TGM7: variants seen among roughly 807,000 people sequenced by gnomAD.
The protein encoded by TGM7 is transglutaminase 7.
In TGM7, 74 loss-of-function variants were observed where a neutral mutation model predicts 79.5. The ratio of observed to expected loss-of-function variants is 0.93; its 90% confidence interval spans 0.77 to 1.13. TGM7 has a LOEUF of 1.13. Among genes scored for constraint, TGM7 ranks in the 50% most tolerant of loss-of-function variants. The pLI is 0.00. For missense variants in TGM7, 912 were observed against 905.9 expected (o/e 1.01, Z -0.09); for synonymous variants, 354 against 362.5 (o/e 0.98, Z 0.27).
chr15:43,302,038 A>G, intron 1 of TGM7: 1 of 632,256 alleles, frequency 1.6e-6, no homozygotes, highest in Non-Finnish European at 2.8e-6. Flanking sequence ...AGCTTCAGAA[A>G]AGAAAACGAA....
intron 1 of TGM7, among the ~76,000 whole-genome samples, chr15:43,297,044 A>T (rs1046747910): frequency 6.6e-6 from 1 of 152,174 alleles, no homozygotes; most frequent in African/African-American, 2.4e-5. Context: ...GGAGTTAATG[A>T]CATGAGTAAG....
At chr15:43,281,643 A>C (rs1468898243) in intron 9 of TGM7, among the ~76,000 whole-genome samples, 1 of 152,190 alleles carries the variant, frequency 6.6e-6, no homozygotes, top group East Asian at 1.9e-4. Flanking sequence ...CTGGAATTCA[A>C]ATTTAACTGG....
At chr15:43,283,722 A>C (rs2042920816) in intron 7 of TGM7, among the ~76,000 whole-genome samples, 1 of 152,236 alleles carries the variant, frequency 6.6e-6, no homozygotes, top group South Asian at 2.1e-4. Context: ...TTCCTGAATC[A>C]GAGACAATTC....
chr15:43,282,419 G>A, intron 8 of TGM7, 98 bp downstream of exon 8: 1 of 1,069,662 alleles, frequency 9.3e-7, no homozygotes, highest in South Asian at 1.4e-5. Context: ...AGGGTGCCGT[G>A]GAAAACGCTG....
At chr15:43,292,597 C>G (rs2042968861) in intron 3 of TGM7, 112 bp downstream of exon 3, 1 of 1,338,124 alleles carries the variant, frequency 7.5e-7, no homozygotes, top group African/African-American at 1.5e-5. Context: ...AGAGCACACG[C>G]TACTACATTG....
Position 43,279,970 on chromosome 15 carries a change from G to A in TGM7, c.1352-19C>T, listed in dbSNP as rs1431446151. ...GGGGATCCTGCAGAAGGGAGAGGTAGGAGAGACATGCATGGGGAGGGGTGG... is the reference window on the plus strand; with the variant it reads ...GGGGATCCTGCAGAAGGGAGAGGTAAGAGAGACATGCATGGGGAGGGGTGG... On this transcript the variant is annotated intron_variant, in intron 9 of 12. Coordinates refer to ENST00000452443, the MANE Select transcript of TGM7 (RefSeq NM_052955.3). 1.2e-6 allele frequency: 2 copies of A among 1,606,212 alleles called. No individual in the cohort carries two copies. Among genetic ancestry groups the A allele is most frequent in the Admixed American group, 1.7e-5 (1 of 59,378 alleles).
intron 1 of TGM7, among the ~76,000 whole-genome samples, chr15:43,299,200 G>C (rs1596466674): frequency 6.6e-6 from 1 of 152,148 alleles, no homozygotes; most frequent in East Asian, 1.9e-4. Context: ...GTGCTACTTT[G>C]ATTAAAGGCA....
Position 43,281,934 on chromosome 15 carries a change from T to C in TGM7, c.1261A>G (p.Asn421Asp), listed in dbSNP as rs753089425. Residue 421 changes from asparagine to aspartate, a missense_variant, in exon 9 of 13, where the codon AAC (asparagine) becomes GAC (aspartate). By Grantham distance (23) the Asn-to-Asp change is conservative (BLOSUM62 1). Coordinates refer to ENST00000452443, the MANE Select transcript of TGM7 (RefSeq NM_052955.3). ...DGQAQEILAH[N>D]TSSIGKEIST... is the part of the protein sequence containing the mutation. ...ATCTCCTTCCCGATGGAACTGGTGT[T>C]GTGGGCCAGGATTTCCTGGGCCTGG... is the stretch of plus-strand genomic sequence containing the variant. 1.2e-6 allele frequency: 2 copies of C among 1,614,204 alleles called. No homozygotes were observed. Among genetic ancestry groups the C allele is most frequent in the Non-Finnish European group, 1.7e-6 (2 of 1,180,030 alleles).
chr15:43,282,416 C>T (rs765806078), intron 8 of TGM7, 101 bp downstream of exon 8: 66 of 1,012,448 alleles, frequency 6.5e-5, no homozygotes, highest in Middle Eastern at 2.9e-4. Flanking sequence ...AAGAGGGTGC[C>T]GTGGAAAACG....
chr15:43,287,396 C>T lies in TGM7; in HGVS notation c.749G>A (p.Gly250Glu). ...GCCCTTCCACTCCAGAGGACTGACC[C>T]CTTTGGAGTAGTCCTCGCCCCAGTT... is the stretch of plus-strand genomic sequence containing the variant. ...QGNWGEDYSK[G>E]VSPLEWKGSV... The change falls in exon 6 of 13, where the codon GGG becomes GAG. Residue 250 changes from glycine (G) to glutamate (E), a missense_variant. Coordinates refer to ENST00000452443, the MANE Select transcript of TGM7 (RefSeq NM_052955.3). 6.2e-7 allele frequency: 1 copy of T among 1,614,100 alleles called. No individual in the cohort carries two copies. Among genetic ancestry groups the T allele is most frequent in the Non-Finnish European group, 8.5e-7 (1 of 1,179,988 alleles).
chr15:43,291,071 A>C (rs1402825866), intron 4 of TGM7, among the ~76,000 whole-genome samples: 1 of 152,126 alleles, frequency 6.6e-6, no homozygotes, highest in African/African-American at 2.4e-5. Context: ...CTCCTGCCTG[A>C]TTGCCCTGGC....
intron 4 of TGM7, among the ~76,000 whole-genome samples, chr15:43,289,465 G>A (rs369400994): frequency 1.3e-5 from 2 of 152,246 alleles, no homozygotes; most frequent in East Asian, 3.9e-4. Context: ...GTCTATCATT[G>A]TTGGACATGT....
chr15:43,289,352 T>C (rs924365406), intron 4 of TGM7, among the ~76,000 whole-genome samples: 9 of 152,162 alleles, frequency 5.9e-5, no homozygotes, highest in Non-Finnish European at 1.3e-4. Context: ...CTGAGAATGA[T>C]GGTTTCCAGC....
At chr15:43,281,231 A>T (rs518261) in intron 9 of TGM7, among the ~76,000 whole-genome samples, 69,603 of 151,672 alleles carry the variant, frequency 0.46, 19,653 homozygotes, top group African/African-American at 0.8. Context: ...GGGGTGGTAA[A>T]CTGTGTCCAG....
Position 43,292,116 on chromosome 15 carries a change from T to C in TGM7, c.440-19A>G, listed in dbSNP as rs200529204. The C allele has an allele frequency of 6.5e-4, 1,033 of 1,579,800 alleles. 2 individuals are homozygous for C. Among genetic ancestry groups the C allele is most frequent in the Non-Finnish European group, 7.4e-4 (847 of 1,150,336 alleles). On this transcript the variant is annotated intron_variant, in intron 3 of 12. Transcript: ENST00000452443. ...TCGTCCTCTGAGCAGTTAAGAGTAG[T>C]GGAGGGGGCAAAACCCCAAACCAAA... is the stretch of plus-strand genomic sequence containing the variant.
chr15:43,292,878 G>C lies in TGM7; in HGVS notation c.270C>G (p.Ser90Arg). 6.2e-7 allele frequency: 1 copy of C among 1,614,010 alleles called. No individual in the cohort carries two copies. ...LTRVQPGNVW[S>R]ASDFTIDSNS... ...TGGAGTCAATGGTGAAATCAGAAGCGCTCCAGACATTCCCGGGCTGGACCC... is the reference window on the plus strand; with the variant it reads ...TGGAGTCAATGGTGAAATCAGAAGCCCTCCAGACATTCCCGGGCTGGACCC... The change falls in exon 3 of 13, where the codon AGC (serine) becomes AGG (arginine). Residue 90 changes from serine to arginine, a missense_variant. Ser to Arg is a moderately radical substitution (Grantham distance 110). Coordinates refer to ENST00000452443, the MANE Select transcript of TGM7 (RefSeq NM_052955.3).
chr15:43,301,690 A>G lies in TGM7; in HGVS notation c.10+551T>C, dbSNP rs553199891. Among the ~76,000 whole-genome samples the G allele has an allele frequency of 2.0e-5, 3 of 151,754 alleles. No homozygotes were observed. In the East Asian group the frequency reaches 5.8e-4, roughly 30 times the overall value. ...ACCCATGTTTAGTGCCCTCCCTGGCAGGCCGCATGTGTTGGCCAGGCTGGC... is the reference window on the plus strand; with the variant it reads ...ACCCATGTTTAGTGCCCTCCCTGGCGGGCCGCATGTGTTGGCCAGGCTGGC... On this transcript the variant is annotated intron_variant, in intron 1 of 12. Transcript: ENST00000452443.
At position 43,280,321 on chromosome 15, in the gene TGM7, C is replaced by T. The variant is rs535879030; in HGVS notation, c.1352-370G>A. Among the ~76,000 whole-genome samples the T allele has an allele frequency of 8.5e-5, 13 of 152,180 alleles. No homozygotes were observed. In the South Asian group the frequency reaches 2.5e-3, roughly 29 times the overall value. On this transcript the variant is annotated intron_variant, in intron 9 of 12. Coordinates refer to ENST00000452443, the MANE Select transcript of TGM7 (RefSeq NM_052955.3). The stretch of plus-strand genomic sequence containing the variant: ...CATCCCTCCAGCTAAGATATATGCT[C>T]GAAACATAAAAAAGAGCTTCGGCCA...
At position 43,293,601 on chromosome 15, in the gene TGM7, A is replaced by G; in HGVS notation, c.41T>C (p.Leu14Pro). Reference sequence around the variant, plus strand: ...CTCCTTGTTGTTCCTGGAGCTCTGCAGGTCGACAGACTCAAGCCGCAAGGT... The same window carrying G: ...CTCCTTGTTGTTCCTGGAGCTCTGCGGGTCGACAGACTCAAGCCGCAAGGT... ...VATLRLESVD[L>P]QSSRNNKEHH... The change falls in exon 2 of 13, where the codon CTG becomes CCG. Residue 14 changes from leucine to proline, a missense_variant. Leu to Pro is a moderately conservative substitution (Grantham distance 98). Transcript: ENST00000452443. 4 of 1,608,552 alleles carry G rather than the reference A, an allele frequency of 2.5e-6. No homozygotes were observed. Among genetic ancestry groups the G allele is most frequent in the Non-Finnish European group, 3.4e-6 (4 of 1,178,816 alleles).
Sources: gnomAD v4.1 joint callset for allele counts (sites outside exome capture counted in the v4.1 genomes callset) on GRCh38, gnomAD v4.1.1 for gene constraint, MANE v1.5 for transcripts, NCBI Gene and HGNC (gene_info 2026-07-23, HGNC 2026-07-21) for gene names.